ALPK1: variants seen among roughly 807,000 people sequenced by gnomAD.
ALPK1 encodes the protein alpha-protein kinase 1.
ALPK1 carries 110 observed loss-of-function variants against 120.6 expected under a neutral mutation model. The ratio of observed to expected loss-of-function variants is 0.91; its 90% CI spans 0.78 to 1.07. The LOEUF (loss-of-function observed/expected upper bound fraction) is 1.07. Ranked by LOEUF, ALPK1 falls within the 50% of genes least tolerant of loss-of-function variation. The pLI is 0.00. For synonymous variants in ALPK1, 582 were observed against 560.3 expected (o/e 1.04, Z -0.55); for missense variants, 1,498 against 1,483.9 (o/e 1.01, Z -0.16).
In ALPK1 at chr4:112,343,764, A is replaced by AC. The variant is rs1578482340; in HGVS notation, c.-101+27917dup. ...ACCCTTTCCCCCCCTTCTCCCCCCT[A>AC]CCCCCGTTAATTGGCTGAGACCACC... On this transcript the variant is annotated intron_variant, in intron 2 of 15. Coordinates refer to ENST00000650871, the MANE Select transcript of ALPK1 (RefSeq NM_025144.4). Among the ~76,000 whole-genome samples, 4 of 17,668 alleles carry AC rather than the reference A, an allele frequency of 2.3e-4. No individual in the cohort carries two copies. In the South Asian group the frequency reaches 7.7e-3, roughly 34 times the overall value. 11.6% of individuals were successfully genotyped at this position (17,668 alleles called of 152,430 possible).
At chr4:112,339,605 G>GT (rs1729771284) in intron 2 of ALPK1, among the ~76,000 whole-genome samples, 2 of 152,042 alleles carry the variant, frequency 1.3e-5, no homozygotes, top group Non-Finnish European at 2.9e-5. Context: ...ATTTTCCTTT[G>GT]TTTTAACTAA....
intron 4 of ALPK1, among the ~76,000 whole-genome samples, chr4:112,385,397 T>C (rs1465569538): frequency 6.6e-6 from 1 of 152,166 alleles, no homozygotes; most frequent in African/African-American, 2.4e-5. Context: ...GCTCACAAGG[T>C]CACTCAGTAG....
chr4:112,361,545 C>T (rs932100326), intron 2 of ALPK1, among the ~76,000 whole-genome samples: 1 of 152,176 alleles, frequency 6.6e-6, no homozygotes, highest in Non-Finnish European at 1.5e-5. Flanking sequence ...CCCCCATCCC[C>T]CACAGCAGCT....
At chr4:112,351,821 T>G (rs1476266319) in intron 2 of ALPK1, among the ~76,000 whole-genome samples, 1 of 152,222 alleles carries the variant, frequency 6.6e-6, no homozygotes, top group African/African-American at 2.4e-5. Context: ...AAGTTGAATT[T>G]CCTGGCAATC....
At chr4:112,405,724 C>T (rs894374646) in intron 4 of ALPK1, among the ~76,000 whole-genome samples, 1 of 152,090 alleles carries the variant, frequency 6.6e-6, no homozygotes, top group Non-Finnish European at 1.5e-5. Flanking sequence ...TACAGGCATG[C>T]CCCACCACAC....
intron 6 of ALPK1, 43 bp from the exon 7 acceptor site, chr4:112,425,622 T>A: frequency 6.6e-7 from 1 of 1,521,602 alleles, no homozygotes. Flanking sequence ...TTTGCAAGGC[T>A]ATATCTCTGA....
chr4:112,363,946 T>C (rs925250011), intron 2 of ALPK1, among the ~76,000 whole-genome samples: 3 of 152,182 alleles, frequency 2.0e-5, no homozygotes, highest in Non-Finnish European at 4.4e-5. Flanking sequence ...TGAAATAACC[T>C]GCTCCTGATC....
chr4:112,395,047 A>G (rs1206189662), intron 4 of ALPK1, among the ~76,000 whole-genome samples: 8 of 152,230 alleles, frequency 5.3e-5, no homozygotes, highest in Non-Finnish European at 1.5e-5. Flanking sequence ...AGGTTGAACC[A>G]TATAAAGTGT....
At chr4:112,400,219 A>T (rs1732845965) in intron 4 of ALPK1, among the ~76,000 whole-genome samples, 1 of 152,196 alleles carries the variant, frequency 6.6e-6, no homozygotes, top group Admixed American at 6.5e-5. Context: ...TATCCGGGGG[A>T]AATTAATGAT....
chr4:112,353,518 T>C lies in ALPK1; in HGVS notation c.-100-24160T>C, dbSNP rs112835454. ...TCCAATAATGGTGACTTGGAGTAAC[T>C]AACACTGACTGTTCTTGATGATTGT... On this transcript the variant is annotated intron_variant, in intron 2 of 15. Transcript: ENST00000650871. Among the ~76,000 whole-genome samples, 724 of 152,332 alleles carry C rather than the reference T, an allele frequency of 4.8e-3. 6 individuals are homozygous for C. Among genetic ancestry groups the C allele is most frequent in the African/African-American group, 0.017 (686 of 41,572 alleles).
chr4:112,327,047 C>G (rs1729147473), intron 2 of ALPK1, among the ~76,000 whole-genome samples: 1 of 152,180 alleles, frequency 6.6e-6, no homozygotes, highest in South Asian at 2.1e-4. Flanking sequence ...GGAGACGGCC[C>G]CTGCCCAGGA....
rs747495777 is a variant in ALPK1, at chr4:112,432,083, C to A, written c.2536C>A (p.Pro846Thr). 1 of 1,614,126 alleles carries A rather than the reference C, an allele frequency of 6.2e-7. No homozygotes were observed. Among genetic ancestry groups the A allele is most frequent in the Non-Finnish European group, 8.5e-7 (1 of 1,180,000 alleles). ...CCCAGTCGCAGAGCAGGGCATCGAC[C>A]CTGATGCCTCCACAGTGGATGAGGA... ...GGPVAEQGID[P>T]DASTVDEEGQ... The change falls in exon 11 of 16, where the codon CCT (proline) becomes ACT (threonine). Residue 846 changes from proline (P) to threonine (T), a missense_variant. Coordinates refer to ENST00000650871, the MANE Select transcript of ALPK1 (RefSeq NM_025144.4).
chr4:112,332,216 A>G (rs6842964), intron 2 of ALPK1, among the ~76,000 whole-genome samples: 3,921 of 152,264 alleles, frequency 0.026, 70 homozygotes, highest in Non-Finnish European at 0.04. Context: ...TATAAAGCCT[A>G]TGGTTTATCA....
chr4:112,344,036 A>C (rs754481356), intron 2 of ALPK1, among the ~76,000 whole-genome samples: 15 of 152,350 alleles, frequency 9.8e-5, no homozygotes, highest in Non-Finnish European at 1.6e-4. Flanking sequence ...GCATATTAAC[A>C]AGAAAGCCTG....
In ALPK1 at chr4:112,411,315, C is replaced by T. The variant is rs549512397; in HGVS notation, c.277-512C>T. Among the ~76,000 whole-genome samples, 3 of 152,320 alleles carry T rather than the reference C, an allele frequency of 2.0e-5. No individual in the cohort carries two copies. The South Asian group carries it at 6.2e-4, about 32-fold the overall frequency. ...TCTCGGCTCCCTGCAACCTCCGCCT[C>T]CTGGGTTCAAGTGATTCTCCCGCCT... On this transcript the variant is annotated intron_variant, in intron 4 of 15. Transcript: ENST00000650871.
At chr4:112,342,487 A>C (rs563733807) in intron 2 of ALPK1, among the ~76,000 whole-genome samples, 6 of 152,314 alleles carry the variant, frequency 3.9e-5, no homozygotes, top group African/African-American at 1.4e-4. Context: ...GATATTTACT[A>C]TTTTAGCAAA....
intron 4 of ALPK1, among the ~76,000 whole-genome samples, chr4:112,397,100 T>TA (rs1409535059): frequency 6.6e-6 from 1 of 152,170 alleles, no homozygotes; most frequent in East Asian, 1.9e-4. Context: ...ATCTTTACTT[T>TA]ATAGATGAAA....
intron 8 of ALPK1, among the ~76,000 whole-genome samples, chr4:112,426,949 G>C (rs530028739): frequency 1.3e-5 from 2 of 151,972 alleles, no homozygotes; most frequent in African/African-American, 4.8e-5. Flanking sequence ...CTTTATTCAA[G>C]AAATTGAGGA....
At chr4:112,303,953 A>C (rs905382507) in intron 1 of ALPK1, among the ~76,000 whole-genome samples, 1 of 151,688 alleles carries the variant, frequency 6.6e-6, no homozygotes, top group Non-Finnish European at 1.5e-5. Context: ...CCTGTGTCCA[A>C]GTGTTCTCAT....
Sources: allele counts gnomAD v4.1 joint callset (sites outside exome capture counted in the v4.1 genomes callset), GRCh38; gene constraint gnomAD v4.1.1; transcripts MANE v1.5; gene names NCBI Gene and HGNC (gene_info 2026-07-23, HGNC 2026-07-21).